Variants in NFAT5 observed in about 807,000 individuals in gnomAD.
NFAT5 encodes the protein nuclear factor of activated T-cells 5.
Under a neutral mutation model 166.5 loss-of-function variants are expected in NFAT5, and 31 were observed. The observed-to-expected ratio is 0.19, with a 90% CI of 0.14 to 0.25. The LOEUF (loss-of-function observed/expected upper bound fraction) is 0.25. Among genes scored for constraint, NFAT5 ranks in the 10% least tolerant of loss-of-function variants. NFAT5 has a pLI of 1.00. For synonymous variants in NFAT5, 612 were observed against 639.7 expected, an observed-to-expected ratio of 0.96 and a Z score of 0.65; for missense variants, 1,449 against 1,821.8, an observed-to-expected ratio of 0.80 and a Z score of 3.72.
intron 2 of NFAT5, among the ~76,000 whole-genome samples, chr16:69,591,036 A>C (rs533698042): frequency 6.6e-6 from 1 of 152,100 alleles, no homozygotes; most frequent in African/African-American, 2.4e-5. Context: ...GGTTCAAGCA[A>C]TTCTCCTGCC....
chr16:69,604,448 T>G (rs1011831156), intron 2 of NFAT5, among the ~76,000 whole-genome samples: 1 of 152,194 alleles, frequency 6.6e-6, no homozygotes, highest in African/African-American at 2.4e-5. Context: ...ACAGATAGAT[T>G]ATTTCATCAC....
At chr16:69,571,156 AAG>A (rs2016411900) in intron 2 of NFAT5, among the ~76,000 whole-genome samples, 1 of 148,850 alleles carries the variant, frequency 6.7e-6, no homozygotes, top group Admixed American at 6.7e-5. Flanking sequence ...AAAAAAAAAA[AAG>A]CCAGGCATGG....
rs188313509 is a variant in NFAT5, at chr16:69,689,527, T to C, written c.1775-1413T>C. On this transcript the variant is annotated intron_variant, in intron 11 of 14. Coordinates refer to ENST00000349945, the MANE Select transcript of NFAT5 (RefSeq NM_138713.4). ...TGAAGTAAGACAAGAAAATTGCAAA[T>C]ATTTTTAGATGAAAATATTTACTTT... 2.2e-4 allele frequency among the ~76,000 whole-genome samples: 34 copies of C among 152,312 alleles called. No individual in the cohort carries two copies. In the East Asian group the frequency reaches 6.2e-3, roughly 28 times the overall value.
intron 9 of NFAT5, among the ~76,000 whole-genome samples, chr16:69,671,419 G>A (rs1443328453): frequency 3.3e-5 from 5 of 152,208 alleles, no homozygotes; most frequent in Non-Finnish European, 7.3e-5. Context: ...TCGCCAGGCT[G>A]GCATACAGTG....
chr16:69,693,313 G>C lies in NFAT5; in HGVS notation c.3488G>C (p.Ser1163Thr). 1.2e-6 allele frequency: 2 copies of C among 1,614,164 alleles called. No individual in the cohort carries two copies. Among genetic ancestry groups the C allele is most frequent in the Non-Finnish European group, 1.7e-6 (2 of 1,180,034 alleles). Residue 1163 changes from serine to threonine, a missense_variant, in exon 13 of 15, where the codon AGT becomes ACT. Transcript: ENST00000349945. The part of the protein sequence containing the change: ...QQSTNIFLSQ[S>T]PMNNLQTNTV... ...TCAACCAACATATTTCTTTCCCAGA[G>C]TCCCATGAATAATCTTCAGACTAAC...
intron 10 of NFAT5, among the ~76,000 whole-genome samples, chr16:69,678,223 A>AC (rs2036911059): frequency 2.0e-5 from 3 of 148,202 alleles, no homozygotes; most frequent in African/African-American, 7.5e-5. Flanking sequence ...TTTTTTTTGC[A>AC]TGTGAGTGGG....
intron 2 of NFAT5, among the ~76,000 whole-genome samples, chr16:69,623,532 A>C (rs1172078157): frequency 1.3e-5 from 2 of 149,912 alleles, no homozygotes; most frequent in Non-Finnish European, 3.0e-5. Flanking sequence ...TTTGAGATGG[A>C]GTTTCACTCT....
intron 2 of NFAT5, among the ~76,000 whole-genome samples, chr16:69,586,218 A>C (rs1020577135): frequency 6.6e-6 from 1 of 152,112 alleles, no homozygotes; most frequent in Non-Finnish European, 1.5e-5. Context: ...AGAGAGTGTG[A>C]ATTTCTGACT....
intron 11 of NFAT5, among the ~76,000 whole-genome samples, chr16:69,689,489 C>G (rs2037461673): frequency 6.6e-6 from 1 of 152,174 alleles, no homozygotes; most frequent in African/African-American, 2.4e-5. Flanking sequence ...AGCCAAATGG[C>G]TGTGAGGCAA....
At chr16:69,613,336 G>A (rs780617040) in intron 2 of NFAT5, among the ~76,000 whole-genome samples, 1 of 152,118 alleles carries the variant, frequency 6.6e-6, no homozygotes, top group Non-Finnish European at 1.5e-5. Flanking sequence ...TGTATTCCTG[G>A]TAGGATGATC....
At chr16:69,617,995 C>G (rs1206345435) in intron 2 of NFAT5, among the ~76,000 whole-genome samples, 1 of 151,938 alleles carries the variant, frequency 6.6e-6, no homozygotes, top group Non-Finnish European at 1.5e-5. Flanking sequence ...CCTGTCTCTA[C>G]TAAAAATACA....
intron 4 of NFAT5, among the ~76,000 whole-genome samples, chr16:69,652,447 A>G (rs1311955397): frequency 1.3e-5 from 2 of 150,584 alleles, no homozygotes; most frequent in East Asian, 3.9e-4. Flanking sequence ...GTAAAACTCC[A>G]TCTCAGAAAA....
chr16:69,682,480 C>A (rs1356499041), intron 10 of NFAT5, among the ~76,000 whole-genome samples: 1 of 150,048 alleles, frequency 6.7e-6, no homozygotes, highest in Non-Finnish European at 1.5e-5. Context: ...CTAAGCTGAG[C>A]TTGGTGGCAT....
rs750941750 is a variant in NFAT5 at position 69,692,110 on chromosome 16, C to T, written c.2285C>T (p.Ser762Leu). Residue 762 changes from serine (S) to leucine (L), a missense_variant, in exon 13 of 15, where the codon TCA becomes TTA. Ser to Leu is a moderately radical substitution (Grantham distance 145). This residue lies in a region of NFAT5 where 891 missense variants were observed against 993.0 expected (regional missense o/e 0.90). Coordinates refer to ENST00000349945, the MANE Select transcript of NFAT5 (RefSeq NM_138713.4). ...LTEASQQQQQ[S>L]PLQEQAQTLQ... ...GAGGCATCACAACAACAGCAGCAGT[C>T]ACCACTACAAGAACAAGCACAGACT... The T allele has an allele frequency of 8.1e-6, 13 of 1,614,132 alleles. No homozygotes were observed. The highest frequency in any genetic ancestry group is 3.3e-4 in the Middle Eastern group (2 of 6,062).
At chr16:69,640,636 T>C (rs1004953783) in intron 3 of NFAT5, among the ~76,000 whole-genome samples, 5 of 152,180 alleles carry the variant, frequency 3.3e-5, no homozygotes, top group African/African-American at 1.2e-4. Flanking sequence ...GTAAGAAAAA[T>C]ATAATGCTTA....
chr16:69,645,528 G>A (rs1271055577), intron 3 of NFAT5, among the ~76,000 whole-genome samples: 10 of 151,924 alleles, frequency 6.6e-5, no homozygotes, highest in Admixed American at 5.9e-4. Context: ...TAATTTAGGT[G>A]TATTTTAAAT....
chr16:69,596,126 G>C (rs1174471913), intron 2 of NFAT5, among the ~76,000 whole-genome samples: 2 of 152,138 alleles, frequency 1.3e-5, no homozygotes, highest in Non-Finnish European at 2.9e-5. Flanking sequence ...GAGGACTACT[G>C]TATTTACCAG....
rs1376638884 is a variant in NFAT5, at chr16:69,697,970, T to G, written c.*1619T>G. The G allele has an allele frequency of 2.6e-5, 4 of 151,808 alleles. No homozygotes were observed. The highest frequency in any genetic ancestry group is 4.8e-5 in the African/African-American group (2 of 41,298). 9.4% of individuals were successfully genotyped at this position (151,808 alleles called of 1,614,324 possible). A position where few individuals can be genotyped will look rare whatever the true frequency, so the allele number is the denominator to read the frequency against. On this transcript the variant is annotated 3_prime_UTR_variant, in exon 15 of 15. Transcript: ENST00000349945. ...TTTTTTTTTTTTCTATCCTGTACAT[T>G]TAGTTGAACTGTGCGGAATTGTGGT...
intron 11 of NFAT5, chr16:69,685,800 C>T (rs2037276172): frequency 6.6e-6 from 1 of 152,164 alleles, no homozygotes; most frequent in Non-Finnish European, 1.5e-5. Flanking sequence ...AATCCCAGCA[C>T]TTTAGGAGGC....
Sources: allele counts gnomAD v4.1 joint callset (sites outside exome capture counted in the v4.1 genomes callset), GRCh38; gene constraint gnomAD v4.1.1; regional missense constraint gnomAD v4.1.1; transcripts MANE v1.5; gene names NCBI Gene and HGNC (gene_info 2026-07-23, HGNC 2026-07-21).